The following ATAD2 variants were observed in gnomAD, a reference collection of about 807,000 sequenced individuals.
ATAD2 encodes ATPase family AAA domain-containing protein 2.
ATAD2 carries 62 observed loss-of-function variants against 168.9 expected under a neutral mutation model. The ratio of observed to expected loss-of-function variants is 0.37; its 90% CI spans 0.30 to 0.45. The LOEUF (loss-of-function observed/expected upper bound fraction) is 0.45. Ranked by LOEUF, ATAD2 falls within the 20% of genes least tolerant of loss-of-function variation. ATAD2 has a pLI of 1.00. For missense variants in ATAD2, 1,419 were observed against 1,667.8 expected, an observed-to-expected ratio of 0.85 and a Z score of 2.60; for synonymous variants, 613 against 571.6, an observed-to-expected ratio of 1.07 and a Z score of -1.03.
Position 123,328,190 on chromosome 8 carries a change from C to A in ATAD2, c.3868G>T (p.Glu1290Ter). The A allele has an allele frequency of 1.5e-6, 2 of 1,364,640 alleles. No homozygotes were observed. Among genetic ancestry groups the A allele is most frequent in the Non-Finnish European group, 1.9e-6 (2 of 1,053,616 alleles). 84.5% of individuals were successfully genotyped at this position (1,364,640 alleles called of 1,614,324 possible). ...ATTATTTTAATTGAAAAAGACGTAC[C>A]TTTTCCTTCATTTTCATCAGAAATA... Reference protein sequence around the residue: ...IHISDENEGKEMCVLRMTRAR... With the variant: ...IHISDENEGK The change falls in exon 25 of 28, where the codon GAA becomes TAA. Residue 1290 changes from glutamate to a stop codon, truncating the protein, a stop_gained and splice_region_variant. Coordinates refer to ENST00000287394, the MANE Select transcript of ATAD2 (RefSeq NM_014109.4). LOFTEE classifies it high-confidence loss of function.
At chr8:123,378,701 CAAAAAA>C (rs71808201) in intron 2 of ATAD2, among the ~76,000 whole-genome samples, 2 of 73,044 alleles carry the variant, frequency 2.7e-5, no homozygotes, top group African/African-American at 1.2e-4. Context: ...GACTGTGTCT[CAAAAAA>C]AAAAAAAAAA....
intron 7 of ATAD2, 65 bp downstream of exon 7, chr8:123,369,756 G>C (rs1312585612): frequency 1.5e-6 from 2 of 1,341,456 alleles, no homozygotes; most frequent in Admixed American, 3.8e-5. Flanking sequence ...GAATAACAGA[G>C]AAGAAACAGG....
At chr8:123,323,136 G>A (rs532009987) in intron 26 of ATAD2, 70 bp from the exon 27 acceptor site, 47 of 1,474,060 alleles carry the variant, frequency 3.2e-5, no homozygotes, top group Non-Finnish European at 4.0e-5. Context: ...TAATTTAGAA[G>A]GTTTGGGCAA....
chr8:123,376,231 T>C (rs1586894628), intron 2 of ATAD2, among the ~76,000 whole-genome samples: 2 of 151,012 alleles, frequency 1.3e-5, no homozygotes, highest in East Asian at 3.9e-4. Flanking sequence ...CATGGTCTCA[T>C]CCTGTCTCTA....
intron 1 of ATAD2, among the ~76,000 whole-genome samples, chr8:123,393,395 C>T (rs983753553): frequency 2.0e-5 from 3 of 151,732 alleles, no homozygotes; most frequent in Non-Finnish European, 2.9e-5. Context: ...CCTGTAGTTC[C>T]AGCTACTTAG....
intron 1 of ATAD2, among the ~76,000 whole-genome samples, chr8:123,381,891 C>T (rs1477741488): frequency 6.6e-6 from 1 of 152,040 alleles, no homozygotes; most frequent in East Asian, 1.9e-4. Flanking sequence ...TACTAAAATA[C>T]AAAAATGAGC....
At chr8:123,400,542 G>C (rs1255140623), upstream of ATAD2, 4 of 439,006 alleles carry the variant, frequency 9.1e-6, no homozygotes, top group Non-Finnish European at 1.7e-5. The surrounding 1 kb of genome is among the most constrained non-coding windows in gnomAD (Gnocchi z 4.5). Flanking sequence ...CAGCCGAGCG[G>C]GTGTTTATGT....
At chr8:123,381,091 A>AC (rs1829481578) in intron 1 of ATAD2, among the ~76,000 whole-genome samples, 1 of 152,220 alleles carries the variant, frequency 6.6e-6, no homozygotes, top group Admixed American at 6.5e-5. Flanking sequence ...ACCAGCAGCA[A>AC]CCTCAAAATA....
chr8:123,328,899 C>T (rs1229584568), intron 24 of ATAD2, among the ~76,000 whole-genome samples: 2 of 144,618 alleles, frequency 1.4e-5, no homozygotes, highest in Non-Finnish European at 3.0e-5. Flanking sequence ...CTCCCGGGTT[C>T]ATGCCATTCT....
At chr8:123,396,075 C>A (rs1586909432) in intron 1 of ATAD2, 112 bp downstream of exon 1, 1 of 1,226,280 alleles carries the variant, frequency 8.2e-7, no homozygotes. Flanking sequence ...ACTTCTCCCC[C>A]GACAACTGTC....
chr8:123,337,131 G>A (rs1190548876), intron 21 of ATAD2, among the ~76,000 whole-genome samples: 1 of 151,864 alleles, frequency 6.6e-6, no homozygotes, highest in East Asian at 1.9e-4. Context: ...GGGAGGCTGA[G>A]GTGGGTGGAT....
chr8:123,408,335 C>T (rs1813095824), intron 1 of ATAD2, among the ~76,000 whole-genome samples: 1 of 152,170 alleles, frequency 6.6e-6, no homozygotes, highest in South Asian at 2.1e-4. Context: ...TCCCTGGAAA[C>T]CTGGCAATAA....
At chr8:123,361,398 A>G (rs1828817434) in intron 9 of ATAD2, 141 bp downstream of exon 9, 1 of 550,528 alleles carries the variant, frequency 1.8e-6, no homozygotes, top group Non-Finnish European at 3.3e-6. Flanking sequence ...TTCTAACAAG[A>G]CAGCATTCTA....
At chr8:123,384,868 C>A (rs773448720) in intron 1 of ATAD2, among the ~76,000 whole-genome samples, 1 of 152,272 alleles carries the variant, frequency 6.6e-6, no homozygotes, top group Admixed American at 6.5e-5. Flanking sequence ...ATTGACAGAG[C>A]ATTAATTCTA....
At chr8:123,345,997 C>A in intron 18 of ATAD2, 89 bp downstream of exon 18, 1 of 1,097,588 alleles carries the variant, frequency 9.1e-7, no homozygotes, top group Non-Finnish European at 1.2e-6. Context: ...ATCAGAAAGA[C>A]AAAAAAACAC....
chr8:123,388,373 G>GTATTT (rs1302766941), intron 1 of ATAD2, among the ~76,000 whole-genome samples: 9 of 152,038 alleles, frequency 5.9e-5, no homozygotes, highest in South Asian at 4.2e-4. Context: ...TACTGATTAT[G>GTATTT]TATTTTATCT....
intron 8 of ATAD2, among the ~76,000 whole-genome samples, chr8:123,364,011 A>G (rs1308593377): frequency 1.3e-5 from 2 of 152,216 alleles, no homozygotes; most frequent in Non-Finnish European, 1.5e-5. Context: ...AAAGCAAACA[A>G]TAACACAACC....
At chr8:123,356,267 T>C (rs1828642448) in intron 13 of ATAD2, 122 bp downstream of exon 13, 2 of 719,692 alleles carry the variant, frequency 2.8e-6, no homozygotes, top group Middle Eastern at 2.5e-4. Context: ...GGGGTTCTAC[T>C]ACCAAAAAAA....
Position 123,325,919 on chromosome 8 carries a change from G to T in ATAD2, c.3976C>A (p.Leu1326Ile), listed in dbSNP as rs759898218. The change falls in exon 26 of 28, where the codon CTT (leucine) becomes ATT (isoleucine). Residue 1326 changes from leucine (L) to isoleucine (I), a missense_variant. This residue lies in a region of ATAD2 where 303 missense variants were observed against 304.3 expected (regional missense o/e 1.00). Coordinates refer to ENST00000287394, the MANE Select transcript of ATAD2 (RefSeq NM_014109.4). ...LAILSQPTPSLVVDHERLKNL... is the reference protein window; with the variant it reads ...LAILSQPTPSIVVDHERLKNL... ...TTTAATCGCTCATGATCCACAACAA[G>T]TGAGGGTGTAGGCTGAGAAAGAATT... 2 of 1,614,030 alleles carry T rather than the reference G, an allele frequency of 1.2e-6. No homozygotes were observed.
Sources: gnomAD v4.1 joint callset for allele counts (sites outside exome capture counted in the v4.1 genomes callset) on GRCh38, gnomAD v4.1.1 for gene constraint, gnomAD v4.1.1 regional missense constraint, Gnocchi (gnomAD v3.1) non-coding constraint, MANE v1.5 for transcripts, NCBI Gene and HGNC (gene_info 2026-07-23, HGNC 2026-07-21) for gene names.